Variants in PARD3B observed in about 807,000 individuals in gnomAD.
PARD3B encodes partitioning defective 3 homolog B.
A neutral mutation model predicts 130.2 loss-of-function variants in PARD3B; 103 were observed. The ratio of observed to expected loss-of-function variants is 0.79; its 90% CI spans 0.67 to 0.93. The LOEUF is 0.93. Among genes scored for constraint, PARD3B ranks in the 40% least tolerant of loss-of-function variants. The probability of loss-of-function intolerance (pLI) is 0.00; values close to 1 mark genes in which losing one functional copy is unlikely to be tolerated. For missense variants in PARD3B, 1,609 were observed against 1,499.2 expected (o/e 1.07, Z -1.21); for synonymous variants, 583 against 553.2 (o/e 1.05, Z -0.76).
intron 20 of PARD3B, among the ~76,000 whole-genome samples, chr2:205,497,048 CTG>C (rs938368027): frequency 2.0e-5 from 3 of 151,974 alleles, no homozygotes; most frequent in South Asian, 4.2e-4. Flanking sequence ...TGAAAATAGA[CTG>C]TGCTGCTTTT....
chr2:205,009,162 C>A (rs981621035), intron 3 of PARD3B, among the ~76,000 whole-genome samples: 3 of 152,048 alleles, frequency 2.0e-5, no homozygotes, highest in Non-Finnish European at 4.4e-5. Context: ...GAAATTGAGA[C>A]ATTTGGGATA....
chr2:204,573,195 G>T (rs1310894171), intron 1 of PARD3B, among the ~76,000 whole-genome samples: 2 of 152,092 alleles, frequency 1.3e-5, no homozygotes, highest in Non-Finnish European at 2.9e-5. Flanking sequence ...ATTGACCCAG[G>T]TCTCTATACT....
intron 4 of PARD3B, among the ~76,000 whole-genome samples, chr2:205,057,031 T>A (rs1316521249): frequency 6.6e-6 from 1 of 151,754 alleles, no homozygotes; most frequent in Non-Finnish European, 1.5e-5. Context: ...GTCAAAAGTT[T>A]CTAAATGTCT....
chr2:205,225,008 T>C (rs889383200), intron 15 of PARD3B, among the ~76,000 whole-genome samples: 2 of 152,166 alleles, frequency 1.3e-5, no homozygotes, highest in Non-Finnish European at 2.9e-5. Flanking sequence ...ATTCCTCTGT[T>C]GATGGACAAT....
At chr2:204,720,101 T>C (rs1288825449) in intron 2 of PARD3B, among the ~76,000 whole-genome samples, 1 of 152,230 alleles carries the variant, frequency 6.6e-6, no homozygotes, top group African/African-American at 2.4e-5. Flanking sequence ...TAGTCAACTC[T>C]GTTATTTAGC....
chr2:204,716,365 C>T (rs1331646106), intron 2 of PARD3B, among the ~76,000 whole-genome samples: 1 of 151,978 alleles, frequency 6.6e-6, no homozygotes, highest in Non-Finnish European at 1.5e-5. Context: ...TAACAATAAC[C>T]CTAGCGATTT....
intron 18 of PARD3B, among the ~76,000 whole-genome samples, chr2:205,308,396 G>A (rs1213862152): frequency 6.6e-6 from 1 of 152,048 alleles, no homozygotes; most frequent in Non-Finnish European, 1.5e-5. Flanking sequence ...CACGAGGTCA[G>A]GAGATTGAGA....
intron 21 of PARD3B, among the ~76,000 whole-genome samples, chr2:205,518,939 C>T (rs1396550843): frequency 6.6e-6 from 1 of 152,162 alleles, no homozygotes; most frequent in Non-Finnish European, 1.5e-5. Flanking sequence ...TGTAGGATTT[C>T]AGCCGAGAGG....
intron 1 of PARD3B, among the ~76,000 whole-genome samples, chr2:204,614,711 C>T (rs2034047217): frequency 6.6e-6 from 1 of 152,042 alleles, no homozygotes; most frequent in Non-Finnish European, 1.5e-5. Flanking sequence ...TGGTGCTGTC[C>T]TGGTGATAGT....
chr2:205,249,578 A>T (rs1030155003), intron 16 of PARD3B, among the ~76,000 whole-genome samples: 1 of 152,166 alleles, frequency 6.6e-6, no homozygotes, highest in African/African-American at 2.4e-5. Flanking sequence ...TTTTTGACCC[A>T]AAAATGTAGT....
At chr2:205,046,247 T>C (rs1246115068) in intron 3 of PARD3B, among the ~76,000 whole-genome samples, 1 of 151,782 alleles carries the variant, frequency 6.6e-6, no homozygotes, top group African/African-American at 2.4e-5. Context: ...GCTTCTACTC[T>C]TCTTGTTTTT....
rs1405209180 is a variant in PARD3B, at chr2:205,321,275, T to C, written c.2630+19574T>C. ...TGAGAGTATATTCTTTGATTCATTT[T>C]CTTATTTATGTCTTTTTAACCTCAA... On this transcript the variant is annotated intron_variant, in intron 18 of 22. Transcript: ENST00000406610. This position sits in a 1 kb window ranked among gnomAD's most constrained non-coding sequence, Gnocchi z 4.2. Among the ~76,000 whole-genome samples the C allele has an allele frequency of 6.6e-6, 1 of 152,206 alleles. No homozygotes were observed. Among genetic ancestry groups the C allele is most frequent in the Non-Finnish European group, 1.5e-5 (1 of 68,036 alleles).
At chr2:205,543,145 G>T (rs917184612) in intron 21 of PARD3B, among the ~76,000 whole-genome samples, 7 of 152,050 alleles carry the variant, frequency 4.6e-5, no homozygotes, top group Admixed American at 4.6e-4. Flanking sequence ...GAATGCAATG[G>T]TGCCAAAAGG....
rs1315167488 is a variant in PARD3B at position 205,616,754 on chromosome 2, G to A, written c.*941G>A. ...TAGTTGGGAAAGAGGGCCTACTGGG[G>A]AGGTCTCACAGGAGGCAGTGCCCTG... is the stretch of plus-strand genomic sequence containing the variant. On this transcript the variant is annotated 3_prime_UTR_variant, in exon 23 of 23. Transcript: ENST00000406610. The A allele has an allele frequency of 6.6e-6, 1 of 152,388 alleles. No homozygotes were observed. The highest frequency in any genetic ancestry group is 2.4e-5 in the African/African-American group (1 of 41,448). 9.4% of individuals were successfully genotyped at this position (152,388 alleles called of 1,614,324 possible).
At chr2:205,094,671 A>G (rs1327919988) in intron 4 of PARD3B, among the ~76,000 whole-genome samples, 1 of 152,168 alleles carries the variant, frequency 6.6e-6, no homozygotes, top group Non-Finnish European at 1.5e-5. Context: ...CGTCATGAAG[A>G]CCAGCAGGGA....
At chr2:205,500,143 G>A in intron 21 of PARD3B, 112 bp downstream of exon 21, 1 of 1,246,824 alleles carries the variant, frequency 8.0e-7, no homozygotes, top group Non-Finnish European at 1.1e-6. Flanking sequence ...TAGGTTTCTT[G>A]GGCTTCATAG....
intron 10 of PARD3B, among the ~76,000 whole-genome samples, chr2:205,141,511 G>T (rs1012807694): frequency 6.6e-6 from 1 of 152,176 alleles, no homozygotes; most frequent in Non-Finnish European, 1.5e-5. Context: ...TAAAGTAGAA[G>T]TGAATGACAG....
chr2:205,456,245 T>A (rs973655578), intron 20 of PARD3B, among the ~76,000 whole-genome samples: 6 of 152,146 alleles, frequency 3.9e-5, no homozygotes, highest in African/African-American at 1.4e-4. Flanking sequence ...ATGTACCATT[T>A]GCTTAATCAT....
intron 16 of PARD3B, among the ~76,000 whole-genome samples, chr2:205,250,066 T>C (rs1401275725): frequency 6.6e-6 from 1 of 152,032 alleles, no homozygotes; most frequent in East Asian, 1.9e-4. Flanking sequence ...TTTTTTATTG[T>C]TATGCTTTAA....
Sources: gnomAD v4.1 joint callset for allele counts (sites outside exome capture counted in the v4.1 genomes callset) on GRCh38, gnomAD v4.1.1 for gene constraint, Gnocchi (gnomAD v3.1) non-coding constraint, MANE v1.5 for transcripts, NCBI Gene and HGNC (gene_info 2026-07-23, HGNC 2026-07-21) for gene names.